Variants in CDH13 observed in about 807,000 individuals in gnomAD.
CDH13 encodes cadherin-13.
Under a neutral mutation model 63.8 loss-of-function variants are expected in CDH13, and 24 were observed. That is an observed-to-expected ratio of 0.38 (90% CI 0.27 to 0.53). CDH13 has a LOEUF of 0.53. CDH13 is among the 20% of genes least tolerant of loss of function. The pLI is 0.85. For synonymous variants in CDH13, 503 were observed against 355.3 expected (o/e 1.42, Z -4.67); for missense variants, 1,049 against 903.1 (o/e 1.16, Z -2.07).
chr16:83,415,466 GAAAAC>G (rs2092186293), intron 6 of CDH13, among the ~76,000 whole-genome samples: 1 of 152,052 alleles, frequency 6.6e-6, no homozygotes, highest in Non-Finnish European at 1.5e-5. Context: ...CACAAGAAAA[GAAAAC>G]AAAAGACCAA....
intron 3 of CDH13, among the ~76,000 whole-genome samples, chr16:83,041,105 T>C (rs1597205467): frequency 6.6e-6 from 1 of 152,188 alleles, no homozygotes; most frequent in African/African-American, 2.4e-5. Context: ...TAAAAGTTCA[T>C]TATGAACAAT....
intron 2 of CDH13, among the ~76,000 whole-genome samples, chr16:82,996,439 C>A (rs1912212817): frequency 6.6e-6 from 1 of 152,076 alleles, no homozygotes; most frequent in African/African-American, 2.4e-5. Flanking sequence ...AGCCCAGGAC[C>A]CAGCATGGTC....
rs182994544 is a variant in CDH13, at chr16:83,347,535, C to T, written c.781+2529C>T. On this transcript the variant is annotated intron_variant, in intron 6 of 13. Coordinates refer to ENST00000567109, the MANE Select transcript of CDH13 (RefSeq NM_001257.5). Reference sequence around the variant, plus strand: ...ACAGCCATCAGGTATCATAGCACTGCGTCGAGTACTTACTGTGTGCCAGCA... The same window carrying T: ...ACAGCCATCAGGTATCATAGCACTGTGTCGAGTACTTACTGTGTGCCAGCA... Among the ~76,000 whole-genome samples, 113 of 152,306 alleles carry T rather than the reference C, an allele frequency of 7.4e-4. 1 individual carries two copies. Among genetic ancestry groups the T allele is most frequent in the African/African-American group, 2.4e-3 (100 of 41,560 alleles).
chr16:83,006,376 C>G (rs1258529686), intron 2 of CDH13, among the ~76,000 whole-genome samples: 2 of 152,208 alleles, frequency 1.3e-5, no homozygotes, highest in Admixed American at 6.5e-5. Context: ...AGATATGTCT[C>G]CTGAATGGTT....
intron 7 of CDH13, among the ~76,000 whole-genome samples, chr16:83,584,375 A>G (rs977963895): frequency 6.6e-6 from 1 of 152,220 alleles, no homozygotes; most frequent in South Asian, 2.1e-4. Flanking sequence ...GCACCTCATA[A>G]GCAGAGAGGA....
intron 8 of CDH13, among the ~76,000 whole-genome samples, chr16:83,607,231 A>C (rs2150757510): frequency 6.6e-6 from 1 of 152,198 alleles, no homozygotes; most frequent in South Asian, 2.1e-4. Flanking sequence ...CAACCTGACC[A>C]ATATGGTGAA....
intron 7 of CDH13, among the ~76,000 whole-genome samples, chr16:83,593,966 ACTGATTATCTCAC>A (rs1907015028): frequency 6.6e-6 from 1 of 152,146 alleles, no homozygotes; most frequent in Admixed American, 6.5e-5. Flanking sequence ...GACAAGAAGC[ACTGATTATCTCAC>A]AGTTTCCCTG....
intron 7 of CDH13, among the ~76,000 whole-genome samples, chr16:83,572,566 A>G (rs547468712): frequency 1.3e-3 from 199 of 152,312 alleles, no homozygotes; most frequent in African/African-American, 4.5e-3. Context: ...TACTGAGCAC[A>G]GTGCCTGGCA....
intron 2 of CDH13, among the ~76,000 whole-genome samples, chr16:82,946,721 A>C (rs1363448874): frequency 2.3e-5 from 2 of 85,376 alleles, no homozygotes; most frequent in Non-Finnish European, 4.7e-5. Flanking sequence ...ACTCTGTCTC[A>C]AAAAAAAGAA....
At chr16:83,556,974 C>A (rs1343326503) in intron 7 of CDH13, among the ~76,000 whole-genome samples, 1 of 152,192 alleles carries the variant, frequency 6.6e-6, no homozygotes, top group Middle Eastern at 3.2e-3. Context: ...GGGTCCCCGA[C>A]CCCCAGGCCT....
intron 6 of CDH13, among the ~76,000 whole-genome samples, chr16:83,382,589 G>A (rs2091589986): frequency 6.6e-6 from 1 of 152,090 alleles, no homozygotes; most frequent in Non-Finnish European, 1.5e-5. Flanking sequence ...CACAAGTCAA[G>A]AAATGAGCAC....
chr16:83,241,168 T>G (rs1904407760), intron 5 of CDH13, among the ~76,000 whole-genome samples: 2 of 152,232 alleles, frequency 1.3e-5, no homozygotes, highest in African/African-American at 4.8e-5. Context: ...GATTTTCTTC[T>G]TTTTCAAGAA....
Position 83,720,076 on chromosome 16 carries a change from G to T in CDH13, c.1539-28032G>T, listed in dbSNP as rs1207942091. 2.0e-5 allele frequency among the ~76,000 whole-genome samples: 3 copies of T among 152,168 alleles called. No individual in the cohort carries two copies. The South Asian group carries it at 6.2e-4, about 32-fold the overall frequency. ...TGGTGAAGATGGCACTAAATGAGAA[G>T]GGAACAGGGTAGGCACCAAATGGTT... On this transcript the variant is annotated intron_variant, in intron 10 of 13. Coordinates refer to ENST00000567109, the MANE Select transcript of CDH13 (RefSeq NM_001257.5).
chr16:83,080,281 A>T (rs1428824618), intron 3 of CDH13, among the ~76,000 whole-genome samples: 1 of 152,230 alleles, frequency 6.6e-6, no homozygotes, highest in African/African-American at 2.4e-5. Context: ...TTTGGTCCCA[A>T]TTCGCTGAGA....
chr16:82,662,520 T>C (rs1285600852), intron 1 of CDH13, among the ~76,000 whole-genome samples: 1 of 152,216 alleles, frequency 6.6e-6, no homozygotes, highest in African/African-American at 2.4e-5. Context: ...TGAGTGAGAT[T>C]GACCAGATGG....
chr16:83,784,737 C>G (rs555310627), intron 13 of CDH13, among the ~76,000 whole-genome samples: 1 of 152,208 alleles, frequency 6.6e-6, no homozygotes, highest in Non-Finnish European at 1.5e-5. Flanking sequence ...CCTGACCTGC[C>G]CCTCTGCCTG....
chr16:82,919,314 A>C (rs2042085216), intron 2 of CDH13, among the ~76,000 whole-genome samples: 1 of 152,294 alleles, frequency 6.6e-6, no homozygotes. Context: ...GCCTCGTACT[A>C]AGCCTAGTAT....
intron 6 of CDH13, among the ~76,000 whole-genome samples, chr16:83,420,932 G>A (rs1003766854): frequency 1.3e-5 from 2 of 152,154 alleles, no homozygotes; most frequent in Admixed American, 6.5e-5. Flanking sequence ...GAAGTAAGAC[G>A]GAAGACCCAG....
At chr16:83,336,997 A>C (rs1214046984) in intron 5 of CDH13, among the ~76,000 whole-genome samples, 2 of 152,248 alleles carry the variant, frequency 1.3e-5, no homozygotes, top group African/African-American at 4.8e-5. Flanking sequence ...TTCATGGCTG[A>C]AGATGAGAGG....
Sources: allele counts gnomAD v4.1 joint callset (sites outside exome capture counted in the v4.1 genomes callset), GRCh38; gene constraint gnomAD v4.1.1; transcripts MANE v1.5; gene names NCBI Gene and HGNC (gene_info 2026-07-23, HGNC 2026-07-21).